Variants in MACROD2 observed in about 807,000 individuals in gnomAD.
The protein encoded by MACROD2 is mono-ADP ribosylhydrolase 2.
Under a neutral mutation model 70.4 loss-of-function variants are expected in MACROD2, and 36 were observed. That is an observed-to-expected ratio of 0.51 (90% CI 0.39 to 0.68). MACROD2 has a LOEUF of 0.68. Ranked by LOEUF, MACROD2 falls within the 30% of genes least tolerant of loss-of-function variation. The pLI, the probability that MACROD2 is intolerant of heterozygous loss-of-function variation, is 0.00. For synonymous variants in MACROD2, 172 were observed against 178.8 expected, an observed-to-expected ratio of 0.96 and a Z score of 0.30; for missense variants, 496 against 538.4, an observed-to-expected ratio of 0.92 and a Z score of 0.78.
At chr20:15,643,765 T>C (rs2049498306) in intron 8 of MACROD2, among the ~76,000 whole-genome samples, 1 of 152,226 alleles carries the variant, frequency 6.6e-6, no homozygotes, top group Non-Finnish European at 1.5e-5. Context: ...TTTGCCTTGT[T>C]AGAACTTAGG....
intron 3 of MACROD2, among the ~76,000 whole-genome samples, chr20:14,341,114 C>G (rs539359121): frequency 2.0e-5 from 3 of 152,314 alleles, no homozygotes; most frequent in Admixed American, 1.3e-4. Flanking sequence ...TTCACACATT[C>G]ATTCATTCAG....
At chr20:15,118,826 A>T (rs2123242023) in intron 5 of MACROD2, among the ~76,000 whole-genome samples, 1 of 152,292 alleles carries the variant, frequency 6.6e-6, no homozygotes, top group South Asian at 2.1e-4. Context: ...ACCAGCTTTT[A>T]TACTTTGTTG....
chr20:15,298,266 G>T (rs540686510), intron 6 of MACROD2, among the ~76,000 whole-genome samples: 2 of 152,242 alleles, frequency 1.3e-5, no homozygotes, highest in African/African-American at 4.8e-5. Flanking sequence ...GATAATGCAT[G>T]TAAAGTGTAT....
chr20:15,280,289 G>A (rs1160469808), intron 6 of MACROD2, among the ~76,000 whole-genome samples: 1 of 151,558 alleles, frequency 6.6e-6, no homozygotes, highest in Admixed American at 6.6e-5. Context: ...GAATAGAGAG[G>A]CAAAAAGAAA....
intron 4 of MACROD2, among the ~76,000 whole-genome samples, chr20:14,612,542 A>G (rs753002223): frequency 1.3e-5 from 2 of 152,114 alleles, no homozygotes; most frequent in African/African-American, 2.4e-5. Context: ...TGGGATACAT[A>G]CACATATGCA....
At chr20:15,273,170 C>A (rs1261260937) in intron 6 of MACROD2, among the ~76,000 whole-genome samples, 2 of 152,094 alleles carry the variant, frequency 1.3e-5, no homozygotes, top group Non-Finnish European at 2.9e-5. Flanking sequence ...CAGATCCACC[C>A]TTAATCTGAT....
At chr20:14,965,469 T>C (rs1447179531) in intron 5 of MACROD2, among the ~76,000 whole-genome samples, 2 of 135,468 alleles carry the variant, frequency 1.5e-5, no homozygotes, top group Non-Finnish European at 1.6e-5. Context: ...TTTTTTTTTT[T>C]TTTTTTTTTG....
At chr20:15,800,630 C>T (rs561577764) in intron 8 of MACROD2, among the ~76,000 whole-genome samples, 107 of 152,242 alleles carry the variant, frequency 7.0e-4, no homozygotes, top group African/African-American at 2.2e-3. Flanking sequence ...TCTGCCCGGC[C>T]GCCCCTACTG....
chr20:14,480,641 A>G (rs2084652906), intron 3 of MACROD2, among the ~76,000 whole-genome samples: 2 of 152,220 alleles, frequency 1.3e-5, no homozygotes, highest in African/African-American at 4.8e-5. Flanking sequence ...TTTTCAATGC[A>G]GCAGACTAAA....
chr20:14,098,755 G>A (rs556863836), intron 3 of MACROD2, among the ~76,000 whole-genome samples: 21 of 152,104 alleles, frequency 1.4e-4, no homozygotes, highest in Admixed American at 1.3e-3. Context: ...AATATTTTAG[G>A]ACACAATTAA....
chr20:15,135,137 A>G (rs1330649881), intron 5 of MACROD2, among the ~76,000 whole-genome samples: 5 of 151,842 alleles, frequency 3.3e-5, no homozygotes, highest in Non-Finnish European at 5.9e-5. Context: ...CCAGAGGTAC[A>G]AGGAGGAGCT....
intron 5 of MACROD2, among the ~76,000 whole-genome samples, chr20:15,108,084 A>C (rs2075925815): frequency 6.6e-6 from 1 of 152,064 alleles, no homozygotes; most frequent in Non-Finnish European, 1.5e-5. Flanking sequence ...TTTGGACTCA[A>C]ACAAGCTATC....
intron 5 of MACROD2, among the ~76,000 whole-genome samples, chr20:14,913,054 G>A (rs777502702): frequency 6.6e-6 from 1 of 152,096 alleles, no homozygotes; most frequent in African/African-American, 2.4e-5. Context: ...TGAGGGTTGT[G>A]ATAGCTGTGT....
intron 4 of MACROD2, among the ~76,000 whole-genome samples, chr20:14,536,559 A>G (rs1241350366): frequency 6.6e-6 from 1 of 152,094 alleles, no homozygotes; most frequent in African/African-American, 2.4e-5. Context: ...CAAAATGATA[A>G]TAAGAGGTTA....
intron 8 of MACROD2, among the ~76,000 whole-genome samples, chr20:15,733,173 T>G (rs973537108): frequency 1.3e-5 from 2 of 152,180 alleles, no homozygotes; most frequent in African/African-American, 4.8e-5. Flanking sequence ...TTTGTTATCC[T>G]TTAAAGTCTG....
At chr20:14,125,783 A>G (rs1165279741) in intron 3 of MACROD2, among the ~76,000 whole-genome samples, 2 of 152,316 alleles carry the variant, frequency 1.3e-5, no homozygotes, top group Middle Eastern at 3.4e-3. Context: ...AAAAAATAGC[A>G]GCAAAATAGG....
chr20:14,468,805 C>T (rs1472448519), intron 3 of MACROD2, among the ~76,000 whole-genome samples: 1 of 152,066 alleles, frequency 6.6e-6, no homozygotes, highest in Non-Finnish European at 1.5e-5. Context: ...CTGTCACGCC[C>T]AGCCTCTATG....
At chr20:15,239,069 C>G (rs2077038192) in intron 6 of MACROD2, among the ~76,000 whole-genome samples, 2 of 152,032 alleles carry the variant, frequency 1.3e-5, no homozygotes, top group Non-Finnish European at 2.9e-5. Context: ...CACAGAGTCC[C>G]AAGCCTGACA....
chr20:14,864,199 A>G (rs1568842716), intron 5 of MACROD2, among the ~76,000 whole-genome samples: 1 of 152,156 alleles, frequency 6.6e-6, no homozygotes. Flanking sequence ...AGACATGATT[A>G]TTGGTATGAA....
Sources: allele counts gnomAD v4.1 joint callset (sites outside exome capture counted in the v4.1 genomes callset), GRCh38; gene constraint gnomAD v4.1.1; transcripts MANE v1.5; gene names NCBI Gene and HGNC (gene_info 2026-07-23, HGNC 2026-07-21).